Variants in LRRTM4 observed in about 807,000 individuals in gnomAD.
The protein encoded by LRRTM4 is leucine rich repeat transmembrane neuronal 4.
LRRTM4 carries 25 observed loss-of-function variants against 47.6 expected under a neutral mutation model. The ratio of observed to expected loss-of-function variants is 0.53; its 90% CI spans 0.38 to 0.73. The LOEUF (loss-of-function observed/expected upper bound fraction) is 0.73, where lower values mean the gene tolerates loss of function less well. LRRTM4 is among the 30% of genes least tolerant of loss of function. The probability of loss-of-function intolerance (pLI) is 0.00; values close to 1 mark genes in which losing one functional copy is unlikely to be tolerated. For synonymous variants in LRRTM4, 311 were observed against 269.5 expected, an observed-to-expected ratio of 1.15 and a Z score of -1.51; for missense variants, 638 against 713.4, an observed-to-expected ratio of 0.89 and a Z score of 1.20.
intron 3 of LRRTM4, among the ~76,000 whole-genome samples, chr2:76,932,683 T>C (rs4852421): frequency 0.23 from 34,522 of 151,772 alleles, 5,071 homozygotes; most frequent in African/African-American, 0.42. Context: ...TATTTGTATA[T>C]ATATGACATG....
chr2:77,413,941 G>A (rs1203118404), intron 3 of LRRTM4, among the ~76,000 whole-genome samples: 2 of 151,946 alleles, frequency 1.3e-5, no homozygotes, highest in African/African-American at 2.4e-5. Flanking sequence ...GGATAGCTGT[G>A]GTCCTTCAAA....
intron 3 of LRRTM4, chr2:77,517,310 T>TG (rs1679247577): frequency 1.0e-6 from 1 of 983,514 alleles, no homozygotes; most frequent in African/African-American, 1.7e-5. Flanking sequence ...TATTTGAGGC[T>TG]GTTACAGAAA....
intron 3 of LRRTM4, among the ~76,000 whole-genome samples, chr2:77,063,936 G>T (rs1380235206): frequency 6.6e-6 from 1 of 151,848 alleles, no homozygotes; most frequent in African/African-American, 2.4e-5. Flanking sequence ...TTTGGAAGGA[G>T]ACTAAGGCTA....
intron 3 of LRRTM4, among the ~76,000 whole-genome samples, chr2:76,952,400 C>T (rs1293093479): frequency 1.3e-5 from 2 of 151,850 alleles, no homozygotes; most frequent in East Asian, 3.9e-4. Context: ...AGACATTTCT[C>T]AAAAGAAGGC....
intron 3 of LRRTM4, among the ~76,000 whole-genome samples, chr2:76,833,754 T>C (rs1271087980): frequency 6.6e-6 from 1 of 151,718 alleles, no homozygotes; most frequent in African/African-American, 2.4e-5. Context: ...CATGTGAAAA[T>C]GAGACAATTT....
intron 3 of LRRTM4, among the ~76,000 whole-genome samples, chr2:77,184,480 G>A (rs1010070781): frequency 1.3e-5 from 2 of 152,192 alleles, no homozygotes; most frequent in South Asian, 2.1e-4. Context: ...ATATCATTGA[G>A]TACTCGATTT....
chr2:77,025,912 C>T (rs916045819), intron 3 of LRRTM4, among the ~76,000 whole-genome samples: 1 of 152,018 alleles, frequency 6.6e-6, no homozygotes, highest in Non-Finnish European at 1.5e-5. Flanking sequence ...AGTCAATGAC[C>T]GCTCCTCAAA....
intron 3 of LRRTM4, among the ~76,000 whole-genome samples, chr2:77,160,010 C>T (rs1672668739): frequency 6.6e-6 from 1 of 152,144 alleles, no homozygotes; most frequent in African/African-American, 2.4e-5. Context: ...AAGCATTTAT[C>T]TTCATCAAGT....
chr2:76,930,351 C>T (rs187590544), intron 3 of LRRTM4, among the ~76,000 whole-genome samples: 62 of 152,268 alleles, frequency 4.1e-4, no homozygotes, highest in African/African-American at 1.3e-3. Context: ...CACACACACA[C>T]GCGATATGGT....
At chr2:77,187,897 G>A (rs983388008) in intron 3 of LRRTM4, among the ~76,000 whole-genome samples, 1 of 151,896 alleles carries the variant, frequency 6.6e-6, no homozygotes, top group African/African-American at 2.4e-5. Flanking sequence ...TACTTCCTAT[G>A]AAAATATATA....
At chr2:77,413,937 C>T (rs896651086) in intron 3 of LRRTM4, among the ~76,000 whole-genome samples, 5 of 152,056 alleles carry the variant, frequency 3.3e-5, no homozygotes, top group Admixed American at 1.3e-4. Context: ...GTGTGGATAG[C>T]TGTGGTCCTT....
At chr2:77,068,086 C>G (rs1033631556) in intron 3 of LRRTM4, among the ~76,000 whole-genome samples, 1 of 152,024 alleles carries the variant, frequency 6.6e-6, no homozygotes, top group Non-Finnish European at 1.5e-5. Flanking sequence ...GATATATGGA[C>G]AAGAGATATA....
At chr2:77,204,605 C>T (rs575136885) in intron 3 of LRRTM4, among the ~76,000 whole-genome samples, 1 of 152,258 alleles carries the variant, frequency 6.6e-6, no homozygotes, top group Admixed American at 6.5e-5. Context: ...CCCTATCATG[C>T]TATCTTGAGT....
chr2:76,802,035 G>A (rs545916280), intron 3 of LRRTM4, among the ~76,000 whole-genome samples: 48 of 152,188 alleles, frequency 3.2e-4, no homozygotes, highest in African/African-American at 1.0e-3. Context: ...GTGAAAAGTG[G>A]AAAGCTTTTC....
At chr2:76,896,681 T>TA (rs1339846974) in intron 3 of LRRTM4, among the ~76,000 whole-genome samples, 1 of 151,704 alleles carries the variant, frequency 6.6e-6, no homozygotes, top group Non-Finnish European at 1.5e-5. Flanking sequence ...TAAAAAGTGT[T>TA]ATCTAATTAA....
At chr2:77,145,367 T>C (rs1367581610) in intron 3 of LRRTM4, among the ~76,000 whole-genome samples, 1 of 151,948 alleles carries the variant, frequency 6.6e-6, no homozygotes, top group Non-Finnish European at 1.5e-5. Context: ...CGTATATATT[T>C]TATAATTTTG....
intron 3 of LRRTM4, among the ~76,000 whole-genome samples, chr2:76,914,172 C>G (rs1398873466): frequency 6.6e-6 from 1 of 151,610 alleles, no homozygotes; most frequent in African/African-American, 2.4e-5. Flanking sequence ...TTTTATTGTT[C>G]TTGGTAAATT....
At chr2:76,752,128 C>T (rs1672871553) in intron 3 of LRRTM4, among the ~76,000 whole-genome samples, 2 of 152,094 alleles carry the variant, frequency 1.3e-5, no homozygotes, top group South Asian at 4.1e-4. Flanking sequence ...CTTGAATTCA[C>T]AAACATGTAT....
intron 3 of LRRTM4, among the ~76,000 whole-genome samples, chr2:77,311,583 TTTG>T (rs1173367310): frequency 6.6e-6 from 1 of 152,176 alleles, no homozygotes; most frequent in Non-Finnish European, 1.5e-5. Flanking sequence ...TGGGTTAAAA[TTTG>T]TAAAGCGTTT....
Sources: gnomAD v4.1 joint callset for allele counts (sites outside exome capture counted in the v4.1 genomes callset) on GRCh38, gnomAD v4.1.1 for gene constraint, MANE v1.5 for transcripts, NCBI Gene and HGNC (gene_info 2026-07-23, HGNC 2026-07-21) for gene names.